LIMS1: variants seen among roughly 807,000 people sequenced by gnomAD.
The protein encoded by LIMS1 is LIM and senescent cell antigen-like-containing domain protein 1.
In LIMS1, 18 loss-of-function variants were observed where a neutral mutation model predicts 44.1. That is an observed-to-expected ratio of 0.41 (90% confidence interval 0.28 to 0.61). The LOEUF is 0.61. LIMS1 is among the 20% of genes least tolerant of loss of function. LIMS1 has a pLI of 0.32. For synonymous variants in LIMS1, 93 were observed against 149.1 expected (o/e 0.62, Z 2.74); for missense variants, 201 against 422.0 (o/e 0.48, Z 4.59).
At chr2:108,677,272 C>A (rs990386967) in intron 7 of LIMS1, 12 of 152,586 alleles carry the variant, frequency 7.9e-5, no homozygotes, top group African/African-American at 2.9e-4. Context: ...TGCAGAGGGC[C>A]CCTAACCCCT....
intron 1 of LIMS1, among the ~76,000 whole-genome samples, chr2:108,647,668 A>G (rs1225648679): frequency 2.0e-5 from 3 of 152,220 alleles, no homozygotes; most frequent in Admixed American, 6.5e-5. Flanking sequence ...ACATACGCAA[A>G]TCAATAAACG....
At chr2:108,562,671 C>T (rs1206073673) in intron 1 of LIMS1, among the ~76,000 whole-genome samples, 1 of 152,104 alleles carries the variant, frequency 6.6e-6, no homozygotes, top group Non-Finnish European at 1.5e-5. Flanking sequence ...GAAAGATCTC[C>T]GAAACATAAA....
chr2:108,631,051 A>G (rs1688891999), intron 1 of LIMS1, among the ~76,000 whole-genome samples: 1 of 152,240 alleles, frequency 6.6e-6, no homozygotes, highest in African/African-American at 2.4e-5. Context: ...TTATTATGAC[A>G]GGATGAAGTT....
intron 2 of LIMS1, among the ~76,000 whole-genome samples, chr2:108,661,494 G>A (rs1691366846): frequency 6.6e-6 from 1 of 152,062 alleles, no homozygotes; most frequent in African/African-American, 2.4e-5. Context: ...TTGTGAAGAT[G>A]GACAGGAGCA....
At chr2:108,564,983 GCTCTTTAAGAGAAA>G (rs1685247872) in intron 1 of LIMS1, among the ~76,000 whole-genome samples, 2 of 150,888 alleles carry the variant, frequency 1.3e-5, no homozygotes, top group African/African-American at 4.9e-5. Flanking sequence ...GAAACCCCTA[GCTCTTTAAGAGAAA>G]CCCATAGTTC....
intron 1 of LIMS1, among the ~76,000 whole-genome samples, chr2:108,632,538 A>T (rs1245713923): frequency 6.6e-6 from 1 of 152,128 alleles, no homozygotes; most frequent in Non-Finnish European, 1.5e-5. Flanking sequence ...CAGAGTCCTG[A>T]TGTTCTGGAC....
chr2:108,560,682 A>C (rs565425951), intron 1 of LIMS1, among the ~76,000 whole-genome samples: 8 of 152,068 alleles, frequency 5.3e-5, no homozygotes, highest in Admixed American at 1.3e-4. Context: ...ACAAACACAC[A>C]CACACAGCTT....
At position 108,564,339 on chromosome 2, in the gene LIMS1, G is replaced by A. The variant is rs369769523; in HGVS notation, c.32+29745G>A. ...CACTTAATAGACTACAGTGTAGTGT[G>A]AACATAATTTTATATGCACTGAGAA... On this transcript the variant is annotated intron_variant, in intron 1 of 9. Coordinates refer to ENST00000544547, the Ensembl canonical transcript of LIMS1. 2.1e-3 allele frequency among the ~76,000 whole-genome samples: 317 copies of A among 152,292 alleles called. 3 individuals are homozygous for A. Among genetic ancestry groups the A allele is most frequent in the African/African-American group, 7.3e-3 (303 of 41,552 alleles).
intron 2 of LIMS1, chr2:108,662,596 G>T (rs1691455939): frequency 1.2e-5 from 13 of 1,058,744 alleles, no homozygotes; most frequent in Non-Finnish European, 1.6e-5. Flanking sequence ...CCTGCATCTG[G>T]AGAATAAGAC....
At chr2:108,562,142 G>A (rs1465607667) in intron 1 of LIMS1, among the ~76,000 whole-genome samples, 1 of 152,154 alleles carries the variant, frequency 6.6e-6, no homozygotes, top group Non-Finnish European at 1.5e-5. Context: ...TGTTGTATGT[G>A]TTCTAACTGC....
chr2:108,634,100 A>G (rs1573505647), intron 1 of LIMS1, among the ~76,000 whole-genome samples: 1 of 152,326 alleles, frequency 6.6e-6, no homozygotes, highest in East Asian at 1.9e-4. Context: ...AGACTCTTAC[A>G]AGGGTAGAGA....
chr2:108,535,162 TA>T (rs1178863680), intron 1 of LIMS1, among the ~76,000 whole-genome samples: 1 of 152,246 alleles, frequency 6.6e-6, no homozygotes, highest in African/African-American at 2.4e-5. Flanking sequence ...TCTGACTTAG[TA>T]GAGACAACTA....
At chr2:108,679,369 A>T (rs1692792597) in intron 8 of LIMS1, among the ~76,000 whole-genome samples, 2 of 151,972 alleles carry the variant, frequency 1.3e-5, no homozygotes. Flanking sequence ...GATCCCAGCT[A>T]CTCGGGAGGC....
chr2:108,581,374 TC>T (rs1463236007), intron 1 of LIMS1, among the ~76,000 whole-genome samples: 1 of 152,176 alleles, frequency 6.6e-6, no homozygotes, highest in Admixed American at 6.5e-5. Context: ...TTCAAATCAA[TC>T]AAATAATTTC....
At chr2:108,591,414 C>G (rs1035191264) in intron 1 of LIMS1, among the ~76,000 whole-genome samples, 4 of 152,026 alleles carry the variant, frequency 2.6e-5, no homozygotes, top group African/African-American at 4.8e-5. Context: ...GTCAGTAGTT[C>G]CGCAAGTTCC....
intron 1 of LIMS1, among the ~76,000 whole-genome samples, chr2:108,552,250 T>G (rs1015908835): frequency 3.5e-5 from 5 of 141,038 alleles, no homozygotes; most frequent in African/African-American, 1.3e-4. Context: ...CTATATATAC[T>G]ATATATACTA....
chr2:108,648,239 C>T (rs528773039), intron 1 of LIMS1, among the ~76,000 whole-genome samples: 1 of 152,160 alleles, frequency 6.6e-6, no homozygotes, highest in South Asian at 2.1e-4. Context: ...AATAAAATAC[C>T]TAGGAATACA....
chr2:108,584,842 G>A (rs1313084448), intron 1 of LIMS1, among the ~76,000 whole-genome samples: 4 of 151,930 alleles, frequency 2.6e-5, no homozygotes, highest in South Asian at 2.1e-4. Flanking sequence ...AGGGATGAGG[G>A]TTTGGGGACA....
chr2:108,563,490 G>T (rs1685193768), intron 1 of LIMS1, among the ~76,000 whole-genome samples: 1 of 151,856 alleles, frequency 6.6e-6, no homozygotes, highest in African/African-American at 2.4e-5. Flanking sequence ...CAAGACTTCA[G>T]TGGAAGAAGT....
Sources: gnomAD v4.1 joint callset for allele counts (sites outside exome capture counted in the v4.1 genomes callset) on GRCh38, gnomAD v4.1.1 for gene constraint, MANE v1.5 for transcripts, NCBI Gene and HGNC (gene_info 2026-07-23, HGNC 2026-07-21) for gene names.